RARB: variants seen among roughly 807,000 people sequenced by gnomAD.
RARB encodes the protein retinoic acid receptor beta.
In RARB, 17 loss-of-function variants were observed where a neutral mutation model predicts 51.9. The ratio of observed to expected loss-of-function variants is 0.33; its 90% CI spans 0.22 to 0.49. The LOEUF is 0.49. RARB is among the 20% of genes least tolerant of loss of function. The probability of loss-of-function intolerance (pLI) is 0.99; values close to 1 mark genes in which losing one functional copy is unlikely to be tolerated. For missense variants in RARB, 369 were observed against 550.8 expected, an observed-to-expected ratio of 0.67 and a Z score of 3.30; for synonymous variants, 215 against 195.4, an observed-to-expected ratio of 1.10 and a Z score of -0.84.
intron 5 of RARB, among the ~76,000 whole-genome samples, chr3:25,416,210 C>T (rs1242368408): frequency 6.6e-6 from 1 of 152,136 alleles, no homozygotes; most frequent in Non-Finnish European, 1.5e-5. Context: ...AGTGATACCT[C>T]ATCTCTACTA....
chr3:24,923,457 A>G (rs1166319265), intron 2 of RARB, among the ~76,000 whole-genome samples: 2 of 152,138 alleles, frequency 1.3e-5, no homozygotes, highest in African/African-American at 2.4e-5. Context: ...TAATTATAGA[A>G]TCGTTATTTT....
chr3:25,151,995 C>G lies in RARB; in HGVS notation c.-280+19787C>G, dbSNP rs377088341. Among the ~76,000 whole-genome samples the G allele has an allele frequency of 5.6e-4, 85 of 152,132 alleles. 1 individual carries two copies. Among genetic ancestry groups the G allele is most frequent in the African/African-American group, 1.9e-3 (80 of 41,520 alleles). ...GGAAAATGACATTCTTCTTCCCTCTCTCTTGAAAAGAAAAAGTTTCCATCT... is the reference window on the plus strand; with the variant it reads ...GGAAAATGACATTCTTCTTCCCTCTGTCTTGAAAAGAAAAAGTTTCCATCT... On this transcript the variant is annotated intron_variant, in intron 4 of 11. Transcript: ENST00000383772.
intron 5 of RARB, among the ~76,000 whole-genome samples, chr3:25,248,247 C>G (rs906150763): frequency 6.6e-6 from 1 of 152,064 alleles, no homozygotes; most frequent in African/African-American, 2.4e-5. Flanking sequence ...CCTTTACTTT[C>G]AATCTATATG....
At chr3:25,210,941 C>T (rs971833190) in intron 5 of RARB, among the ~76,000 whole-genome samples, 1 of 152,086 alleles carries the variant, frequency 6.6e-6, no homozygotes, top group Non-Finnish European at 1.5e-5. Flanking sequence ...TTCTTCTGGT[C>T]CAGACACTTA....
rs534401605 is a variant in RARB, at chr3:25,010,680, G to A, written c.-379-49445G>A. 9.2e-5 allele frequency among the ~76,000 whole-genome samples: 14 copies of A among 152,140 alleles called. No individual in the cohort carries two copies. In the South Asian group the frequency reaches 2.1e-3, roughly 23 times the overall value. On this transcript the variant is annotated intron_variant, in intron 2 of 11. Coordinates refer to the RARB transcript ENST00000383772. ...TGTGAGAGGGATTTAATTCTATTCT[G>A]TTCTTCTCAAAGAGCAAGGTGATGC...
intron 1 of RARB, among the ~76,000 whole-genome samples, chr3:25,436,387 A>G (rs1344251661): frequency 6.6e-6 from 1 of 152,246 alleles, no homozygotes; most frequent in Non-Finnish European, 1.5e-5. Flanking sequence ...GTAATAATCC[A>G]TGGAGTTCTG....
intron 2 of RARB, among the ~76,000 whole-genome samples, chr3:24,950,166 C>G (rs549367249): frequency 1.3e-5 from 2 of 152,288 alleles, no homozygotes; most frequent in South Asian, 4.1e-4. Context: ...CATTTTCATT[C>G]TGTGTTTTCT....
chr3:25,088,268 T>A (rs562290091), intron 3 of RARB, among the ~76,000 whole-genome samples: 2 of 152,236 alleles, frequency 1.3e-5, no homozygotes, highest in African/African-American at 4.8e-5. Flanking sequence ...TGATACACCA[T>A]GTCTAATTCT....
At chr3:25,106,934 T>C (rs1192300283) in intron 3 of RARB, among the ~76,000 whole-genome samples, 1 of 151,914 alleles carries the variant, frequency 6.6e-6, no homozygotes, top group Non-Finnish European at 1.5e-5. Flanking sequence ...GGAGTCTCGC[T>C]GTCTTGCCCA....
intron 2 of RARB, among the ~76,000 whole-genome samples, chr3:24,954,121 C>G (rs549491396): frequency 2.4e-4 from 37 of 152,164 alleles, no homozygotes; most frequent in African/African-American, 8.4e-4. Flanking sequence ...TGTTCCTGCT[C>G]TTTTTATGGG....
intron 1 of RARB, among the ~76,000 whole-genome samples, chr3:24,835,069 A>G (rs142940404): frequency 8.1e-4 from 123 of 152,248 alleles, no homozygotes; most frequent in African/African-American, 2.9e-3. Flanking sequence ...TATATAAGCA[A>G]AAACAAACAA....
intron 5 of RARB, among the ~76,000 whole-genome samples, chr3:25,208,403 G>C (rs1006575813): frequency 6.6e-6 from 1 of 152,118 alleles, no homozygotes; most frequent in East Asian, 1.9e-4. Flanking sequence ...CTTCATTCCA[G>C]TGATTCTGTT....
chr3:25,188,864 T>C (rs182337363), intron 5 of RARB, among the ~76,000 whole-genome samples: 2 of 152,272 alleles, frequency 1.3e-5, no homozygotes, highest in Non-Finnish European at 2.9e-5. Context: ...TGTGTAACTT[T>C]TTAAAATTGT....
At chr3:25,004,435 G>A (rs1328098025) in intron 2 of RARB, among the ~76,000 whole-genome samples, 1 of 152,116 alleles carries the variant, frequency 6.6e-6, no homozygotes, top group Non-Finnish European at 1.5e-5. Flanking sequence ...CCAGCATCCA[G>A]TGGTGAAAGT....
intron 5 of RARB, among the ~76,000 whole-genome samples, chr3:25,203,085 C>G (rs566729242): frequency 1.3e-5 from 2 of 152,240 alleles, no homozygotes; most frequent in African/African-American, 2.4e-5. Context: ...TTGTAGGTCT[C>G]TAAGGACTTG....
At chr3:25,537,838 C>T (rs193134807) in intron 3 of RARB, among the ~76,000 whole-genome samples, 6 of 152,264 alleles carry the variant, frequency 3.9e-5, no homozygotes, top group Admixed American at 3.3e-4. Context: ...TATCTCCTAC[C>T]TCTTTTCTCT....
chr3:24,964,545 C>A (rs762303198), intron 2 of RARB, among the ~76,000 whole-genome samples: 13 of 152,186 alleles, frequency 8.5e-5, no homozygotes, highest in Non-Finnish European at 1.5e-4. Flanking sequence ...GAAAGCACAC[C>A]CACGATTGAG....
intron 2 of RARB, among the ~76,000 whole-genome samples, chr3:24,896,310 A>AGTGCC (rs1258273758): frequency 6.6e-6 from 1 of 152,086 alleles, no homozygotes; most frequent in African/African-American, 2.4e-5. Flanking sequence ...CCCAGGCTGG[A>AGTGCC]GTGCCGTGGC....
intron 5 of RARB, among the ~76,000 whole-genome samples, chr3:25,317,071 T>TGATTATAAGTATTATAAGTATTATAAG (rs1553603536): frequency 8.5e-4 from 36 of 42,292 alleles, no homozygotes; most frequent in Non-Finnish European, 1.9e-3. Context: ...AAGTATTTGA[T>TGATTATAAGTATTATAAGTATTATAAG]TATTATAAGT....
Sources: allele counts gnomAD v4.1 joint callset (sites outside exome capture counted in the v4.1 genomes callset), GRCh38; gene constraint gnomAD v4.1.1; transcripts MANE v1.5; gene names NCBI Gene and HGNC (gene_info 2026-07-23, HGNC 2026-07-21).